The following UHRF1 variants were observed in gnomAD, a reference collection of about 807,000 sequenced individuals.
UHRF1 encodes the protein E3 ubiquitin-protein ligase UHRF1.
In UHRF1, 9 loss-of-function variants were observed where a neutral mutation model predicts 96.5. The ratio of observed to expected loss-of-function variants is 0.09; its 90% confidence interval spans 0.06 to 0.16. The LOEUF is 0.16. Among genes scored for constraint, UHRF1 ranks in the 10% least tolerant of loss-of-function variants. The probability of loss-of-function intolerance (pLI) is 1.00; values close to 1 mark genes in which losing one functional copy is unlikely to be tolerated. For missense variants in UHRF1, 626 were observed against 1,131.1 expected, an observed-to-expected ratio of 0.55 and a Z score of 6.40; for synonymous variants, 455 against 469.9, an observed-to-expected ratio of 0.97 and a Z score of 0.41.
intron 2 of UHRF1, among the ~76,000 whole-genome samples, chr19:4,911,861 G>A (rs776453970): frequency 1.3e-5 from 2 of 152,080 alleles, no homozygotes; most frequent in Admixed American, 1.3e-4. Flanking sequence ...TGGTTGGACC[G>A]TGGGGACGGG....
chr19:4,926,770 A>C (rs1227695114), intron 2 of UHRF1, among the ~76,000 whole-genome samples: 1 of 128,838 alleles, frequency 7.8e-6, no homozygotes, highest in Non-Finnish European at 1.5e-5. Flanking sequence ...TTCTAAAGGA[A>C]AAAAAAAAAA....
chr19:4,946,858 G>A (rs995923079), intron 10 of UHRF1, among the ~76,000 whole-genome samples: 5 of 152,114 alleles, frequency 3.3e-5, no homozygotes, highest in African/African-American at 1.2e-4. Flanking sequence ...TTACGGGTGT[G>A]AGCCACCATG....
intron 2 of UHRF1, among the ~76,000 whole-genome samples, chr19:4,916,873 C>T (rs12983552): frequency 6.6e-6 from 1 of 152,214 alleles, no homozygotes; most frequent in South Asian, 2.1e-4. Context: ...TCTCTTCCGG[C>T]TGGAGGTCCC....
At chr19:4,952,383 C>G (rs369816873) in intron 13 of UHRF1, among the ~76,000 whole-genome samples, 2 of 136,396 alleles carry the variant, frequency 1.5e-5, no homozygotes, top group Non-Finnish European at 3.1e-5. Context: ...CGTAAGCCAC[C>G]GCTCCCAGCC....
At chr19:4,907,361 C>T (rs757645179), upstream of UHRF1, among the ~76,000 whole-genome samples, 4 of 152,142 alleles carry the variant, frequency 2.6e-5, no homozygotes, top group Non-Finnish European at 4.4e-5. Context: ...CCTCCGCTTC[C>T]CAGGTTCAAG....
chr19:4,909,692 C>A (rs909616953), intron 1 of UHRF1, 37 bp downstream of exon 1: 35 of 509,200 alleles, frequency 6.9e-5, no homozygotes, highest in Non-Finnish European at 1.1e-4. Flanking sequence ...CCAGCCCGGG[C>A]CGGGCGCACG....
chr19:4,907,219 C>T (rs1459816650), upstream of UHRF1, among the ~76,000 whole-genome samples: 1 of 152,178 alleles, frequency 6.6e-6, no homozygotes, highest in African/African-American at 2.4e-5. Context: ...AAGTGATTCT[C>T]CTGCCTCAAT....
rs772183519 is a variant in UHRF1 at position 4,930,325 on chromosome 19, C to T, written c.409-391C>T. Among the ~76,000 whole-genome samples, 1 of 152,312 alleles carries T rather than the reference C, an allele frequency of 6.6e-6. No individual in the cohort carries two copies. Among genetic ancestry groups the T allele is most frequent in the African/African-American group, 2.4e-5 (1 of 41,564 alleles). ...GTCTTACCATGTTGCCCAGGCTAGT[C>T]TTGAATTCCGGGGCTCAAGCGATCC... is the stretch of plus-strand genomic sequence containing the variant. On this transcript the variant is annotated intron_variant, in intron 3 of 16. Transcript: ENST00000650932. This position sits in a 1 kb window ranked among gnomAD's most constrained non-coding sequence, Gnocchi z 4.4.
chr19:4,950,877 G>A lies in UHRF1; in HGVS notation c.1699G>A (p.Glu567Lys). The A allele has an allele frequency of 6.2e-7, 1 of 1,613,898 alleles. No individual in the cohort carries two copies. The highest frequency in any genetic ancestry group is 8.5e-7 in the Non-Finnish European group (1 of 1,179,886). The change falls in exon 13 of 17, where the codon GAG (glutamate) becomes AAG (lysine). Residue 567 changes from glutamate to lysine, a missense_variant. Glu to Lys is a moderately conservative substitution (Grantham distance 56). Transcript: ENST00000650932. Reference protein sequence around the residue: ...GIYKVVKYWPEKGKSGFLVWR... With the variant: ...GIYKVVKYWPKKGKSGFLVWR... The stretch of plus-strand genomic sequence containing the variant: ...TCTGCAGGTTGTGAAATACTGGCCC[G>A]AGAAGGGGAAGTCCGGGTTTCTCGT...
upstream of UHRF1, among the ~76,000 whole-genome samples, chr19:4,904,701 A>G (rs1314995608): frequency 1.3e-5 from 2 of 152,190 alleles, no homozygotes; most frequent in Non-Finnish European, 2.9e-5. Flanking sequence ...CTTTGTGCCC[A>G]TCAATGTCTG....
chr19:4,942,894 C>T (rs1298387453), intron 7 of UHRF1, among the ~76,000 whole-genome samples: 6 of 152,004 alleles, frequency 3.9e-5, no homozygotes, highest in Non-Finnish European at 7.4e-5. Context: ...ACTGTGATCG[C>T]GCCACTGTAC....
chr19:4,925,349 G>A (rs905427164), intron 2 of UHRF1, among the ~76,000 whole-genome samples: 1 of 152,052 alleles, frequency 6.6e-6, no homozygotes, highest in African/African-American at 2.4e-5. Flanking sequence ...CTGCCTCTGT[G>A]GCTTGGCCTG....
At chr19:4,937,247 C>A (rs926346319) in intron 5 of UHRF1, among the ~76,000 whole-genome samples, 1 of 149,474 alleles carries the variant, frequency 6.7e-6, no homozygotes, top group South Asian at 2.1e-4. Flanking sequence ...ATCAGTAGCT[C>A]ATTCCTTTTC....
At chr19:4,938,735 T>G (rs1268210084) in intron 5 of UHRF1, among the ~76,000 whole-genome samples, 2 of 83,026 alleles carry the variant, frequency 2.4e-5, no homozygotes, top group Admixed American at 1.0e-4. Flanking sequence ...GTCAGGTTTT[T>G]TTTTTTTTTT....
chr19:4,909,385 C>A (rs1255566764), upstream of UHRF1: 2 of 632,704 alleles, frequency 3.2e-6, no homozygotes, highest in Non-Finnish European at 5.7e-6. Context: ...CGCCCCCCAC[C>A]CTCTTTCTCG....
At chr19:4,936,680 G>A (rs1040571402) in intron 5 of UHRF1, among the ~76,000 whole-genome samples, 27 of 151,940 alleles carry the variant, frequency 1.8e-4, no homozygotes, top group African/African-American at 5.8e-4. Context: ...AGTGGCTCAG[G>A]CCTGTTGTCC....
chr19:4,912,631 G>A (rs2032328005), intron 2 of UHRF1, among the ~76,000 whole-genome samples: 1 of 152,090 alleles, frequency 6.6e-6, no homozygotes, highest in East Asian at 1.9e-4. Flanking sequence ...CTCTCTGCCC[G>A]CCAATCCATC....
intron 2 of UHRF1, 93 bp from the exon 3 acceptor site, chr19:4,929,129 G>C (rs1358199737): frequency 6.6e-7 from 1 of 1,511,494 alleles, no homozygotes; most frequent in Admixed American, 1.9e-5. Flanking sequence ...CCCCACAAGG[G>C]CTGGGACACA....
At chr19:4,951,884 A>G (rs1168308082) in intron 13 of UHRF1, among the ~76,000 whole-genome samples, 2 of 152,102 alleles carry the variant, frequency 1.3e-5, no homozygotes, top group African/African-American at 2.4e-5. Flanking sequence ...TGGTCTGTCC[A>G]TTGCAGGGAG....
Sources: allele counts gnomAD v4.1 joint callset (sites outside exome capture counted in the v4.1 genomes callset), GRCh38; gene constraint gnomAD v4.1.1; non-coding constraint Gnocchi (gnomAD v3.1); transcripts MANE v1.5; gene names NCBI Gene and HGNC (gene_info 2026-07-23, HGNC 2026-07-21).